Variants in CGREF1 observed in about 807,000 individuals in gnomAD.
CGREF1 encodes the protein cell growth regulator with EF hand domain protein 1.
CGREF1 carries 16 observed loss-of-function variants against 17.4 expected under a neutral mutation model. The observed-to-expected ratio is 0.92, with a 90% CI of 0.62 to 1.40. CGREF1 has a LOEUF of 1.40. Ranked by LOEUF, CGREF1 falls within the 40% of genes most tolerant of loss-of-function variation. CGREF1 has a pLI of 0.00. For missense variants in CGREF1, 296 were observed against 376.4 expected (o/e 0.79, Z 1.77); for synonymous variants, 142 against 154.6 (o/e 0.92, Z 0.61).
intron 1 of CGREF1, among the ~76,000 whole-genome samples, chr2:27,107,636 TAAAAA>T (rs555266964): frequency 7.2e-6 from 1 of 138,204 alleles, no homozygotes; most frequent in African/African-American, 2.6e-5. Context: ...CAGTATGTTT[TAAAAA>T]AAAAAAAAAG....
intron 1 of CGREF1, among the ~76,000 whole-genome samples, chr2:27,105,846 C>CCGT (rs1329397226): frequency 1.3e-5 from 2 of 152,206 alleles, no homozygotes; most frequent in Non-Finnish European, 2.9e-5. Flanking sequence ...TGCACTTGGC[C>CCGT]CGTCTTCATT....
intron 2 of CGREF1, chr2:27,102,923 T>G (rs1367376172): frequency 2.0e-6 from 2 of 985,324 alleles, no homozygotes; most frequent in Non-Finnish European, 1.2e-6. Context: ...CAGGACAACA[T>G]GGGTCACAGA....
At chr2:27,103,380 CTTT>C (rs3072688) in intron 2 of CGREF1, among the ~76,000 whole-genome samples, 2 of 150,876 alleles carry the variant, frequency 1.3e-5, no homozygotes, top group African/African-American at 4.9e-5. Flanking sequence ...ACCATAAGGT[CTTT>C]TTTTTTCTGA....
At chr2:27,114,183 C>CGG (rs1558465387) in intron 1 of CGREF1, among the ~76,000 whole-genome samples, 1 of 151,664 alleles carries the variant, frequency 6.6e-6, no homozygotes, top group Non-Finnish European at 1.5e-5. Context: ...TTAGTAGAGA[C>CGG]GGGGTTTCAC....
chr2:27,102,193 G>A lies in CGREF1; in HGVS notation c.246C>T (p.Asp82=), dbSNP rs142169244. 9.3e-5 allele frequency: 150 copies of A among 1,612,490 alleles called. No homozygotes were observed. The Middle Eastern group carries it at 3.3e-3, about 36-fold the overall frequency. The change falls in exon 5 of 6, where the codon GAC becomes GAT. Residue 82 remains aspartate, a synonymous_variant. Coordinates refer to ENST00000402394, the MANE Select transcript of CGREF1 (RefSeq NM_006569.6). ...CATCCAGCTGTCCACTCTGGTCATA[G>A]TCATGGAGGGCAAAGAGGTAGAGGA... is the stretch of plus-strand genomic sequence containing the variant. ...QVLLYLFALH[D]YDQSGQLDGL...
In CGREF1 at chr2:27,101,903, T is replaced by C. The variant is rs757879252; in HGVS notation, c.343-15A>G. The C allele has an allele frequency of 1.9e-6, 3 of 1,607,020 alleles. No individual in the cohort carries two copies. Among genetic ancestry groups the C allele is most frequent in the African/African-American group, 2.7e-5 (2 of 74,788 alleles). ...ATCAAGATCACCTGTGGAAGCAGAG[T>C]CACTGTGGGGTCTCCAGGGACAGAG... On this transcript the variant is annotated splice_polypyrimidine_tract_variant and intron_variant, in intron 5 of 5. Coordinates refer to ENST00000402394, the MANE Select transcript of CGREF1 (RefSeq NM_006569.6).
Position 27,102,193 on chromosome 2 carries a change from G to T in CGREF1, c.246C>A (p.Asp82Glu). Residue 82 changes from aspartate to glutamate, a missense_variant, in exon 5 of 6, where the codon GAC (aspartate) becomes GAA (glutamate). By Grantham distance (45) the Asp-to-Glu change is conservative. Coordinates refer to ENST00000402394, the MANE Select transcript of CGREF1 (RefSeq NM_006569.6). Reference protein sequence around the residue: ...QVLLYLFALHDYDQSGQLDGL... With the variant: ...QVLLYLFALHEYDQSGQLDGL... Reference sequence around the variant, plus strand: ...CATCCAGCTGTCCACTCTGGTCATAGTCATGGAGGGCAAAGAGGTAGAGGA... The same window carrying T: ...CATCCAGCTGTCCACTCTGGTCATATTCATGGAGGGCAAAGAGGTAGAGGA... 6.2e-7 allele frequency: 1 copy of T among 1,612,490 alleles called. No homozygotes were observed. The highest frequency in any genetic ancestry group is 8.5e-7 in the Non-Finnish European group (1 of 1,178,648).
intron 1 of CGREF1, among the ~76,000 whole-genome samples, chr2:27,106,508 A>T (rs1219936207): frequency 6.6e-6 from 1 of 152,228 alleles, no homozygotes; most frequent in Non-Finnish European, 1.5e-5. Flanking sequence ...TGTCATGAAG[A>T]AGGGCAGCAA....
At position 27,101,027 on chromosome 2, in the gene CGREF1, C is replaced by A. The variant is rs1024674406; in HGVS notation, c.*247G>T. The A allele has an allele frequency of 1.5e-6, 2 of 1,304,126 alleles. No individual in the cohort carries two copies. The highest frequency in any genetic ancestry group is 1.5e-5 in the African/African-American group (1 of 66,198). The allele number at this position is 1,304,126 out of a possible 1,614,324, so 80.8% of individuals were successfully genotyped here. A position where few individuals can be genotyped will look rare whatever the true frequency, so the allele number is the denominator to read the frequency against. On this transcript the variant is annotated 3_prime_UTR_variant, in exon 6 of 6. Transcript: ENST00000402394. ...TGTCCTTTCGGTCCCCAACCCCGTT[C>A]CTCTGAGAGGGTCTGGGCAGGCTGG...
chr2:27,116,619 G>T (rs1035330940), intron 1 of CGREF1, among the ~76,000 whole-genome samples: 1 of 151,702 alleles, frequency 6.6e-6, no homozygotes, highest in African/African-American at 2.4e-5. Flanking sequence ...GCCCAGGCTG[G>T]AGTGCAATGG....
chr2:27,116,086 A>G (rs1671554156), intron 1 of CGREF1, among the ~76,000 whole-genome samples: 1 of 151,852 alleles, frequency 6.6e-6, no homozygotes, highest in Non-Finnish European at 1.5e-5. Context: ...TTAATTAGAC[A>G]GCATGGTGGC....
At chr2:27,113,141 A>G (rs918631430) in intron 1 of CGREF1, among the ~76,000 whole-genome samples, 4 of 152,106 alleles carry the variant, frequency 2.6e-5, no homozygotes, top group Non-Finnish European at 5.9e-5. Context: ...AGTTCTTTGT[A>G]TCTAGAGTGC....
intron 1 of CGREF1, among the ~76,000 whole-genome samples, chr2:27,117,639 G>A (rs78507155): frequency 0.012 from 1,818 of 152,022 alleles, 37 homozygotes; most frequent in African/African-American, 0.042. Context: ...ATCAAATCCT[G>A]CCTCTGATAC....
Position 27,100,729 on chromosome 2 carries a change from T to C in CGREF1, c.*545A>G, listed in dbSNP as rs1670772941. On this transcript the variant is annotated 3_prime_UTR_variant, in exon 6 of 6. Coordinates refer to ENST00000402394, the MANE Select transcript of CGREF1 (RefSeq NM_006569.6). ...CAGAATTATTGTGAGGATAAAATCA[T>C]ATATAAAATGCCCAGCATGATGCCT... is the stretch of plus-strand genomic sequence containing the variant. 2.3e-5 allele frequency: 26 copies of C among 1,133,054 alleles called. No homozygotes were observed. The South Asian group carries it at 4.0e-4, about 18-fold the overall frequency. 70.2% of individuals were successfully genotyped at this position (1,133,054 alleles called of 1,614,324 possible).
chr2:27,109,744 G>A (rs1463044932), intron 1 of CGREF1, among the ~76,000 whole-genome samples: 11 of 151,880 alleles, frequency 7.2e-5, no homozygotes, highest in Non-Finnish European at 1.6e-4. Context: ...AATTAGCTGG[G>A]CAAGGTGGTG....
At chr2:27,106,560 GA>G in intron 1 of CGREF1, among the ~76,000 whole-genome samples, 1 of 151,988 alleles carries the variant, frequency 6.6e-6, no homozygotes, top group South Asian at 2.1e-4. Flanking sequence ...GTAGAAGGGA[GA>G]AAAAAAACTC....
Position 27,100,793 on chromosome 2 carries a change from A to C in CGREF1, c.*481T>G. ...CTCTCAAAAAGTTCTAGTGATGATT[A>C]ATATTACTGGGGATGGGGTCACCTG... is the stretch of plus-strand genomic sequence containing the variant. On this transcript the variant is annotated 3_prime_UTR_variant, in exon 6 of 6. Transcript: ENST00000402394. The C allele has an allele frequency of 3.6e-6, 4 of 1,112,824 alleles. No individual in the cohort carries two copies. The highest frequency in any genetic ancestry group is 4.4e-6 in the Non-Finnish European group (4 of 903,528). The allele number at this position is 1,112,824 out of a possible 1,614,324, so 68.9% of individuals were successfully genotyped here. A position where few individuals can be genotyped will look rare whatever the true frequency, so the allele number is the denominator to read the frequency against.
chr2:27,111,213 T>G (rs1232170353), intron 1 of CGREF1, among the ~76,000 whole-genome samples: 1 of 152,122 alleles, frequency 6.6e-6, no homozygotes, highest in Non-Finnish European at 1.5e-5. Context: ...AGGGTGCTGA[T>G]TGGTGCGTTT....
chr2:27,113,462 T>C (rs1184511496), intron 1 of CGREF1, among the ~76,000 whole-genome samples: 3 of 152,344 alleles, frequency 2.0e-5, no homozygotes, highest in Admixed American at 2.0e-4. Context: ...AGCTGATCTC[T>C]TAAGGTCGAA....
Sources: gnomAD v4.1 joint callset for allele counts (sites outside exome capture counted in the v4.1 genomes callset) on GRCh38, gnomAD v4.1.1 for gene constraint, MANE v1.5 for transcripts, NCBI Gene and HGNC (gene_info 2026-07-23, HGNC 2026-07-21) for gene names.